NOX3: variants seen among roughly 807,000 people sequenced by gnomAD.
NOX3 encodes NADPH oxidase catalytic subunit-like 3.
Under a neutral mutation model 76.7 loss-of-function variants are expected in NOX3, and 74 were observed. The observed-to-expected ratio is 0.96, with a 90% CI of 0.80 to 1.17. The LOEUF (loss-of-function observed/expected upper bound fraction) is 1.17, where lower values mean the gene tolerates loss of function less well. Among genes scored for constraint, NOX3 ranks in the 50% most tolerant of loss-of-function variants. The pLI is 0.00. For synonymous variants in NOX3, 263 were observed against 261.1 expected (o/e 1.01, Z -0.07); for missense variants, 695 against 703.3 (o/e 0.99, Z 0.13).
chr6:155,444,113 G>T (rs904548655), intron 4 of NOX3, among the ~76,000 whole-genome samples: 1 of 152,138 alleles, frequency 6.6e-6, no homozygotes, highest in Non-Finnish European at 1.5e-5. Context: ...TTCTCTTTCA[G>T]CCACTCTATT....
At chr6:155,428,685 A>G in intron 9 of NOX3, 109 bp downstream of exon 9, 1 of 1,111,366 alleles carries the variant, frequency 9.0e-7, no homozygotes, top group East Asian at 2.7e-5. Flanking sequence ...CACAGTCTCA[A>G]ACTCACCATT....
At chr6:155,454,954 C>T in intron 2 of NOX3, 33 bp from the exon 3 acceptor site, 1 of 1,585,056 alleles carries the variant, frequency 6.3e-7, no homozygotes, top group Non-Finnish European at 8.6e-7. Flanking sequence ...AAAAGAGATT[C>T]AGGGAAAACA....
At chr6:155,414,973 C>T (rs1776606111) in intron 10 of NOX3, among the ~76,000 whole-genome samples, 1 of 152,122 alleles carries the variant, frequency 6.6e-6, no homozygotes, top group Admixed American at 6.5e-5. Context: ...TGGGAGACCA[C>T]TCTGGGACTG....
At position 155,422,694 on chromosome 6, in the gene NOX3, C is replaced by G; in HGVS notation, c.1308G>C (p.Lys436Asn). 2.5e-6 allele frequency: 4 copies of G among 1,613,384 alleles called. No individual in the cohort carries two copies. The highest frequency in any genetic ancestry group is 3.4e-6 in the Non-Finnish European group (4 of 1,179,592). Residue 436 changes from lysine (K) to asparagine (N), a missense_variant and splice_region_variant, in exon 10 of 14, where the codon AAG (lysine) becomes AAC (asparagine). Lys to Asn is a moderately conservative substitution (Grantham distance 94). Coordinates refer to ENST00000159060, the MANE Select transcript of NOX3 (RefSeq NM_015718.3). ...SEAQTPLKLS[K>N]VYFYWICRDA... ...GGGTGAACTAATGATTTTTCCGTAC[C>G]TTGCTCAGCTTCAGTGGGGTCTGTG...
chr6:155,437,079 A>G (rs958197199), intron 6 of NOX3, among the ~76,000 whole-genome samples: 11 of 152,226 alleles, frequency 7.2e-5, no homozygotes, highest in South Asian at 6.2e-4. Context: ...AAAACAGGTC[A>G]CAATGGAGTG....
In NOX3 at chr6:155,422,699, T is replaced by C; in HGVS notation, c.1303A>G (p.Ser435Gly). Residue 435 changes from serine (S) to glycine (G), a missense_variant, in exon 10 of 14, where the codon AGC (serine) becomes GGC (glycine). Coordinates refer to ENST00000159060, the MANE Select transcript of NOX3 (RefSeq NM_015718.3). ...CSEAQTPLKL[S>G]KVYFYWICRD... is the part of the protein sequence containing the mutation. ...AACTAATGATTTTTCCGTACCTTGC[T>C]CAGCTTCAGTGGGGTCTGTGCCTCA... 1 of 1,614,006 alleles carries C rather than the reference T, an allele frequency of 6.2e-7. No homozygotes were observed. Among genetic ancestry groups the C allele is most frequent in the Non-Finnish European group, 8.5e-7 (1 of 1,179,864 alleles).
At chr6:155,424,245 C>T (rs531240799) in intron 9 of NOX3, among the ~76,000 whole-genome samples, 6 of 152,196 alleles carry the variant, frequency 3.9e-5, no homozygotes, top group African/African-American at 1.4e-4. Context: ...GGTGTGTATG[C>T]GTGATCTGAT....
chr6:155,407,073 C>G (rs150335719), intron 12 of NOX3, 57 bp downstream of exon 12: 9 of 1,602,778 alleles, frequency 5.6e-6, no homozygotes, highest in African/African-American at 2.7e-5. Context: ...ACTCCAGCAG[C>G]CCTTGCATTT....
intron 7 of NOX3, among the ~76,000 whole-genome samples, 183 bp downstream of exon 7, chr6:155,436,235 T>C (rs527935756): frequency 1.2e-4 from 19 of 152,336 alleles, no homozygotes; most frequent in African/African-American, 3.4e-4. Context: ...AAGCTGAACA[T>C]AGTGCTTTTG....
intron 10 of NOX3, among the ~76,000 whole-genome samples, chr6:155,414,856 G>C (rs231942): frequency 0.042 from 6,360 of 152,086 alleles, 149 homozygotes; most frequent in African/African-American, 0.05. Flanking sequence ...TCGAACTCCT[G>C]ACCTCAAGTG....
rs182421931 is a variant in NOX3, at chr6:155,439,857, A to G, written c.668+99T>C. The G allele has an allele frequency of 3.7e-5, 39 of 1,046,550 alleles. No homozygotes were observed. In the African/African-American group the frequency reaches 4.0e-4, roughly 11 times the overall value. The allele number at this position is 1,046,550 out of a possible 1,614,324, so 64.8% of individuals were successfully genotyped here. A position where few individuals can be genotyped will look rare whatever the true frequency, so the allele number is the denominator to read the frequency against. On this transcript the variant is annotated intron_variant, in intron 6 of 13. Transcript: ENST00000159060. ...TTTTCACACATTATACGAGTCCTGT[A>G]GTCACCGCACGCCGGCTCCTTCATC... is the stretch of plus-strand genomic sequence containing the variant.
intron 4 of NOX3, among the ~76,000 whole-genome samples, chr6:155,446,394 G>A (rs925068450): frequency 2.0e-5 from 3 of 152,058 alleles, no homozygotes; most frequent in Admixed American, 6.5e-5. Context: ...CAGGTAGTAC[G>A]TCTCATAGCA....
intron 12 of NOX3, among the ~76,000 whole-genome samples, chr6:155,402,247 T>G (rs1779241228): frequency 6.6e-6 from 1 of 152,218 alleles, no homozygotes; most frequent in Non-Finnish European, 1.5e-5. Context: ...GCCTACTATA[T>G]TTTAATTGGG....
chr6:155,417,586 G>A (rs1393647438), intron 10 of NOX3, among the ~76,000 whole-genome samples: 1 of 152,118 alleles, frequency 6.6e-6, no homozygotes, highest in East Asian at 1.9e-4. Context: ...AGCATGAATG[G>A]CCCCTCCTAA....
At chr6:155,402,808 G>A (rs1582925211) in intron 12 of NOX3, among the ~76,000 whole-genome samples, 1 of 152,270 alleles carries the variant, frequency 6.6e-6, no homozygotes, top group South Asian at 2.1e-4. Flanking sequence ...CCTCGGCTTC[G>A]TGCTGATGAA....
intron 12 of NOX3, among the ~76,000 whole-genome samples, chr6:155,401,384 T>C (rs900496925): frequency 1.3e-4 from 20 of 152,228 alleles, no homozygotes; most frequent in South Asian, 2.1e-4. Context: ...CATTTAAGTC[T>C]ATTTCTTTGA....
chr6:155,428,517 G>T (rs1389524148), intron 9 of NOX3, among the ~76,000 whole-genome samples: 1 of 151,780 alleles, frequency 6.6e-6, no homozygotes, highest in African/African-American at 2.4e-5. Flanking sequence ...ACCAGGTGAT[G>T]CTTTAGGACC....
chr6:155,412,623 G>T (rs1401412118), intron 10 of NOX3, among the ~76,000 whole-genome samples: 1 of 152,154 alleles, frequency 6.6e-6, no homozygotes, highest in African/African-American at 2.4e-5. Context: ...GGAAGAGAGA[G>T]GGTTGCCTTT....
At chr6:155,427,995 G>A (rs987656862) in intron 9 of NOX3, among the ~76,000 whole-genome samples, 3 of 152,280 alleles carry the variant, frequency 2.0e-5, no homozygotes, top group Non-Finnish European at 4.4e-5. Flanking sequence ...CTGCCTCCCA[G>A]GTTCAAGCAA....
Sources: allele counts gnomAD v4.1 joint callset (sites outside exome capture counted in the v4.1 genomes callset), GRCh38; gene constraint gnomAD v4.1.1; transcripts MANE v1.5; gene names NCBI Gene and HGNC (gene_info 2026-07-23, HGNC 2026-07-21).